Variants in NEK9 observed in about 807,000 individuals in gnomAD.
NEK9 encodes the protein serine/threonine-protein kinase Nek9.
NEK9 carries 75 observed loss-of-function variants against 123.4 expected under a neutral mutation model. The ratio of observed to expected loss-of-function variants is 0.61; its 90% CI spans 0.50 to 0.74. The LOEUF (loss-of-function observed/expected upper bound fraction) is 0.74, where lower values mean the gene tolerates loss of function less well. Among genes scored for constraint, NEK9 ranks in the 30% least tolerant of loss-of-function variants. The probability of loss-of-function intolerance (pLI) is 0.00; values close to 1 mark genes in which losing one functional copy is unlikely to be tolerated. For missense variants in NEK9, 952 were observed against 1,214.4 expected (o/e 0.78, Z 3.21); for synonymous variants, 438 against 458.7 (o/e 0.95, Z 0.58).
chr14:75,114,475 G>T (rs1263152919), intron 6 of NEK9, among the ~76,000 whole-genome samples, 162 bp from the exon 7 acceptor site: 1 of 152,106 alleles, frequency 6.6e-6, no homozygotes, highest in Non-Finnish European at 1.5e-5. Context: ...AATGGTTAGG[G>T]ATGCACTGAT....
rs117164431 is a variant in NEK9, at chr14:75,105,453, C to T, written c.1575+497G>A. ...GTGCTTTTCCCCCAGCTGGTATCAG[C>T]CTCTGTGAGCCTCTCACAGGGCCAG... On this transcript the variant is annotated intron_variant, in intron 13 of 21. Transcript: ENST00000238616. 8.2e-3 allele frequency among the ~76,000 whole-genome samples: 1,255 copies of T among 152,292 alleles called. 9 individuals are homozygous for T. The highest frequency in any genetic ancestry group is 0.012 in the Non-Finnish European group (847 of 68,018).
chr14:75,106,055 G>T (rs1331441368), intron 12 of NEK9, 59 bp from the exon 13 acceptor site: 3 of 1,464,134 alleles, frequency 2.0e-6, no homozygotes, highest in African/African-American at 2.8e-5. Context: ...CAGTGAATAG[G>T]TTCTGTAAGA....
chr14:75,105,687 C>T (rs1052257024), intron 13 of NEK9, among the ~76,000 whole-genome samples: 6 of 152,184 alleles, frequency 3.9e-5, no homozygotes, highest in African/African-American at 1.2e-4. Flanking sequence ...CTGCTGTACA[C>T]GCTGATTTTA....
intron 17 of NEK9, among the ~76,000 whole-genome samples, chr14:75,095,980 G>A (rs1416816178): frequency 1.3e-5 from 2 of 152,104 alleles, no homozygotes; most frequent in African/African-American, 4.8e-5. Context: ...GGTCTGGACC[G>A]TGGTATTCTT....
At chr14:75,101,590 C>A in intron 15 of NEK9, 67 bp downstream of exon 15, 6 of 1,088,368 alleles carry the variant, frequency 5.5e-6, no homozygotes, top group South Asian at 1.5e-5. Flanking sequence ...TAAAGAAAAC[C>A]TAATACCTGA....
chr14:75,104,044 A>T, intron 13 of NEK9, 47 bp from the exon 14 acceptor site: 1 of 1,545,810 alleles, frequency 6.5e-7, no homozygotes, highest in Non-Finnish European at 8.7e-7. Context: ...TATAATTCGT[A>T]TTAGAAAAAA....
chr14:75,114,829 C>T (rs1293710676), intron 6 of NEK9, among the ~76,000 whole-genome samples: 1 of 151,968 alleles, frequency 6.6e-6, no homozygotes, highest in Admixed American at 6.6e-5. Flanking sequence ...TATTTTTTAG[C>T]CTCACTAACA....
chr14:75,115,200 C>G (rs1441070217), intron 6 of NEK9, among the ~76,000 whole-genome samples: 1 of 152,198 alleles, frequency 6.6e-6, no homozygotes, highest in Non-Finnish European at 1.5e-5. Flanking sequence ...ACTACAACCT[C>G]TGTCTCCTGG....
chr14:75,117,364 T>C (rs773125483), intron 5 of NEK9, 38 bp from the exon 6 acceptor site: 3 of 1,579,168 alleles, frequency 1.9e-6, no homozygotes, highest in East Asian at 2.3e-5. Context: ...TAACTTCTTT[T>C]CTGAGGTAAC....
chr14:75,109,233 T>C (rs867267822), intron 10 of NEK9, among the ~76,000 whole-genome samples: 8 of 152,046 alleles, frequency 5.3e-5, no homozygotes, highest in African/African-American at 1.9e-4. Flanking sequence ...AACAAACAAA[T>C]TCTACACAAA....
At position 75,097,084 on chromosome 14, in the gene NEK9, C is replaced by T; in HGVS notation, c.2173+16G>A. The T allele has an allele frequency of 1.3e-6, 2 of 1,588,958 alleles. No homozygotes were observed. The highest frequency in any genetic ancestry group is 1.1e-5 in the South Asian group (1 of 87,416). On this transcript the variant is annotated intron_variant, in intron 17 of 21. Transcript: ENST00000238616. ...CTGTCAAAGCCATCCCAACCCCAGA[C>T]ATATGAAACTCTTACCAACGATGAG... is the stretch of plus-strand genomic sequence containing the variant.
chr14:75,097,766 G>A (rs1416852697), intron 16 of NEK9, among the ~76,000 whole-genome samples: 2 of 152,144 alleles, frequency 1.3e-5, no homozygotes, highest in Admixed American at 6.5e-5. Flanking sequence ...TTTTAGATAG[G>A]GTAGGTCAGA....
At chr14:75,110,205 C>A in intron 9 of NEK9, 116 bp downstream of exon 9, 1 of 751,870 alleles carries the variant, frequency 1.3e-6, no homozygotes, top group Non-Finnish European at 2.2e-6. Context: ...TAAGCAGATG[C>A]TGGCTCCTGA....
chr14:75,097,306 A>G (rs781715562), intron 16 of NEK9, 36 bp from the exon 17 acceptor site: 2 of 1,509,092 alleles, frequency 1.3e-6, no homozygotes, highest in South Asian at 1.3e-5. Flanking sequence ...CATTTAACAG[A>G]ACACTGGCTT....
At chr14:75,124,464 C>T (rs140185039) in intron 1 of NEK9, among the ~76,000 whole-genome samples, 2 of 152,162 alleles carry the variant, frequency 1.3e-5, no homozygotes, top group East Asian at 3.9e-4. Context: ...GATGTCAGTT[C>T]CAGGTAAAAA....
intron 18 of NEK9, 101 bp from the exon 19 acceptor site, chr14:75,091,579 C>T (rs1894219677): frequency 7.0e-6 from 7 of 1,005,948 alleles, no homozygotes; most frequent in Non-Finnish European, 9.5e-6. Flanking sequence ...CTATAAGCTG[C>T]ATGAAGTGCA....
At chr14:75,106,151 C>T (rs955130330) in intron 12 of NEK9, 155 bp from the exon 13 acceptor site, 16 of 682,728 alleles carry the variant, frequency 2.3e-5, no homozygotes, top group Middle Eastern at 3.2e-4. Context: ...GTCAGAAGTT[C>T]GAGCGAGACA....
Position 75,084,625 on chromosome 14 carries a change from G to C in NEK9, c.2879C>G (p.Pro960Arg), listed in dbSNP as rs1440713551. Residue 960 changes from proline to arginine, a missense_variant, in exon 22 of 22, where the codon CCT becomes CGT. Around this residue, in one of 4 missense-constraint regions of NEK9, gnomAD observed 698 missense variants for 875.6 expected, o/e 0.80. Coordinates refer to ENST00000238616, the MANE Select transcript of NEK9 (RefSeq NM_033116.6). ...AKEEMEMDPK[P>R]DLDSDSWCLL... ...GCACCAGGAATCTGAATCTAAGTCAGGCTTTGGATCCATTTCCATCTCTTC... is the reference window on the plus strand; with the variant it reads ...GCACCAGGAATCTGAATCTAAGTCACGCTTTGGATCCATTTCCATCTCTTC... 3 of 1,614,180 alleles carry C rather than the reference G, an allele frequency of 1.9e-6. No homozygotes were observed. In the South Asian group the frequency reaches 3.3e-5, roughly 18 times the overall value.
intron 6 of NEK9, among the ~76,000 whole-genome samples, chr14:75,116,791 C>G (rs1895157095): frequency 6.6e-6 from 1 of 152,178 alleles, no homozygotes; most frequent in East Asian, 1.9e-4. Flanking sequence ...TGCTCTGTTG[C>G]CCAGGCTGGA....
Sources: allele counts gnomAD v4.1 joint callset (sites outside exome capture counted in the v4.1 genomes callset), GRCh38; gene constraint gnomAD v4.1.1; regional missense constraint gnomAD v4.1.1; transcripts MANE v1.5; gene names NCBI Gene and HGNC (gene_info 2026-07-23, HGNC 2026-07-21).